The following SLC9A8 variants were observed in gnomAD, a reference collection of about 807,000 sequenced individuals.
The protein encoded by SLC9A8 is sodium/hydrogen exchanger 8.
Under a neutral mutation model 66.6 loss-of-function variants are expected in SLC9A8, and 48 were observed. That is an observed-to-expected ratio of 0.72 (90% CI 0.57 to 0.92). SLC9A8 has a LOEUF of 0.92. SLC9A8 is among the 40% of genes least tolerant of loss of function. The pLI is 0.00. For missense variants in SLC9A8, 599 were observed against 747.3 expected (o/e 0.80, Z 2.31); for synonymous variants, 274 against 282.6 (o/e 0.97, Z 0.31).
chr20:49,879,438 T>G lies in SLC9A8; in HGVS notation c.1158+1375T>G, dbSNP rs116678254. Reference sequence around the variant, plus strand: ...TAAACTGGAGACAACAATACCTACTTTGTAAGACCTTTGCAAGGATTTAAA... The same window carrying G: ...TAAACTGGAGACAACAATACCTACTGTGTAAGACCTTTGCAAGGATTTAAA... On this transcript the variant is annotated intron_variant, in intron 12 of 15. Coordinates refer to ENST00000361573, the MANE Select transcript of SLC9A8 (RefSeq NM_015266.3). Among the ~76,000 whole-genome samples, 546 of 152,352 alleles carry G rather than the reference T, an allele frequency of 3.6e-3. 3 individuals are homozygous for G. Among genetic ancestry groups the G allele is most frequent in the African/African-American group, 0.013 (530 of 41,576 alleles).
intron 8 of SLC9A8, among the ~76,000 whole-genome samples, chr20:49,861,850 T>C (rs1359716216): frequency 4.6e-5 from 7 of 152,226 alleles, no homozygotes; most frequent in Admixed American, 4.6e-4. Context: ...TCCTCCTTAA[T>C]GTCTCCTAAA....
chr20:49,826,918 G>A (rs1479779622), intron 3 of SLC9A8, among the ~76,000 whole-genome samples: 2 of 151,508 alleles, frequency 1.3e-5, no homozygotes, highest in Non-Finnish European at 1.5e-5. Context: ...TTCTTTCCAT[G>A]TATTAGTTGA....
intron 7 of SLC9A8, among the ~76,000 whole-genome samples, chr20:49,853,729 C>T (rs936896699): frequency 1.3e-5 from 2 of 152,196 alleles, no homozygotes; most frequent in Admixed American, 1.3e-4. Flanking sequence ...TCACCCATGA[C>T]GAAAATTCAG....
intron 6 of SLC9A8, 47 bp from the exon 7 acceptor site, chr20:49,850,763 G>GTTT (rs564652819): frequency 1.5e-6 from 2 of 1,371,504 alleles, no homozygotes; most frequent in Non-Finnish European, 9.9e-7. Flanking sequence ...GTTCTCCAGG[G>GTTT]TTTTTTTTTT....
chr20:49,857,466 C>T (rs1255181764), intron 8 of SLC9A8, among the ~76,000 whole-genome samples: 3 of 152,150 alleles, frequency 2.0e-5, no homozygotes, highest in Non-Finnish European at 4.4e-5. Flanking sequence ...GCCTGTAATC[C>T]CATCACTTTG....
chr20:49,862,160 C>T (rs890953566), intron 8 of SLC9A8, among the ~76,000 whole-genome samples: 2 of 151,632 alleles, frequency 1.3e-5, no homozygotes, highest in East Asian at 3.9e-4. Context: ...TGCATGGGCT[C>T]TCTTCCTTTG....
rs1402906096 is a variant in SLC9A8, at chr20:49,889,201, G to C, written c.*1265G>C. ...GCCTCAAACTGCTCAGCTCATCAAA[G>C]AGCCATTGCCAACTTCCGTATGTGG... On this transcript the variant is annotated 3_prime_UTR_variant, in exon 16 of 16. Coordinates refer to ENST00000361573, the MANE Select transcript of SLC9A8 (RefSeq NM_015266.3). 6.6e-6 allele frequency: 1 copy of C among 152,288 alleles called. No individual in the cohort carries two copies. The highest frequency in any genetic ancestry group is 1.5e-5 in the Non-Finnish European group (1 of 68,056). The allele number at this position is 152,288 out of a possible 1,614,324, so 9.4% of individuals were successfully genotyped here. A position where few individuals can be genotyped will look rare whatever the true frequency, so the allele number is the denominator to read the frequency against.
At chr20:49,839,869 T>C (rs895101090) in intron 4 of SLC9A8, among the ~76,000 whole-genome samples, 1 of 152,194 alleles carries the variant, frequency 6.6e-6, no homozygotes, top group Non-Finnish European at 1.5e-5. Flanking sequence ...ACTAACCTAC[T>C]TTTTTAGGCA....
chr20:49,818,109 C>T (rs886491361), intron 2 of SLC9A8, among the ~76,000 whole-genome samples: 1 of 151,830 alleles, frequency 6.6e-6, no homozygotes, highest in Non-Finnish European at 1.5e-5. Flanking sequence ...ACTTCCAGGG[C>T]GTGGAGCATT....
At chr20:49,834,386 GTGTATATATATATAC>G (rs2087406718) in intron 3 of SLC9A8, among the ~76,000 whole-genome samples, 1 of 37,224 alleles carries the variant, frequency 2.7e-5, no homozygotes, top group African/African-American at 1.9e-4. Context: ...TATATATACT[GTGTATATATATATAC>G]TGTGTATATA....
intron 4 of SLC9A8, among the ~76,000 whole-genome samples, chr20:49,841,908 A>T (rs986346252): frequency 6.6e-6 from 1 of 151,766 alleles, no homozygotes; most frequent in Non-Finnish European, 1.5e-5. Context: ...GCTAATTTTT[A>T]AAAAAATTTT....
intron 3 of SLC9A8, 52 bp from the exon 4 acceptor site, chr20:49,839,489 T>A: frequency 8.0e-7 from 1 of 1,252,620 alleles, no homozygotes; most frequent in South Asian, 1.3e-5. Context: ...TAAATTTGAG[T>A]AATCTTTCTC....
chr20:49,837,819 T>G (rs1043058392), intron 3 of SLC9A8, among the ~76,000 whole-genome samples: 3 of 152,180 alleles, frequency 2.0e-5, no homozygotes, highest in African/African-American at 7.2e-5. Flanking sequence ...TCTGCCCGCT[T>G]CAGCCTCCTA....
At chr20:49,837,817 C>T (rs2087599581) in intron 3 of SLC9A8, among the ~76,000 whole-genome samples, 1 of 152,186 alleles carries the variant, frequency 6.6e-6, no homozygotes, top group African/African-American at 2.4e-5. Context: ...CATCTGCCCG[C>T]TTCAGCCTCC....
intron 7 of SLC9A8, 116 bp downstream of exon 7, chr20:49,850,960 G>T: frequency 3.0e-6 from 2 of 658,256 alleles, no homozygotes. Flanking sequence ...ATTTATTTTT[G>T]GTAAGGATTT....
In SLC9A8 at chr20:49,874,931, T is replaced by C; in HGVS notation, c.1075+110T>C. 7 of 769,260 alleles carry C rather than the reference T, an allele frequency of 9.1e-6. 1 individual carries two copies. The South Asian group carries it at 1.0e-4, about 11-fold the overall frequency. 47.7% of individuals were successfully genotyped at this position (769,260 alleles called of 1,614,324 possible). On this transcript the variant is annotated intron_variant, in intron 11 of 15. Transcript: ENST00000361573. ...CTTTCCCTGGCAGCAGGGCAGCAGC[T>C]CCTCAGAGCCAGATCCCTCACTCCC... is the stretch of plus-strand genomic sequence containing the variant.
rs2089952148 is a variant in SLC9A8 at position 49,887,989 on chromosome 20, CACAG to C, written c.*57_*60del. ...AGGCCCAGGATGGGCGTTTGCTGCG[CACAG>C]ACACTCAGCAGGGGCCTCGCAGAGA... is the stretch of plus-strand genomic sequence containing the variant. On this transcript the variant is annotated 3_prime_UTR_variant, in exon 16 of 16. Transcript: ENST00000361573. 1 of 1,379,306 alleles carries C rather than the reference CACAG, an allele frequency of 7.3e-7. No individual in the cohort carries two copies. The highest frequency in any genetic ancestry group is 1.0e-6 in the Non-Finnish European group (1 of 968,460). The allele number at this position is 1,379,306 out of a possible 1,614,324, so 85.4% of individuals were successfully genotyped here. A position where few individuals can be genotyped will look rare whatever the true frequency, so the allele number is the denominator to read the frequency against.
chr20:49,857,610 C>T (rs773623751), intron 8 of SLC9A8, among the ~76,000 whole-genome samples: 5 of 152,074 alleles, frequency 3.3e-5, no homozygotes, highest in African/African-American at 9.7e-5. Context: ...CCCAGCTACT[C>T]GAGAGGCTGA....
In SLC9A8 at chr20:49,847,677, T is replaced by C. The variant is rs2088056429; in HGVS notation, c.433-1902T>C. On this transcript the variant is annotated intron_variant, in intron 5 of 15. Transcript: ENST00000361573. Reference sequence around the variant, plus strand: ...ACAGTAAGATTATCATCAGTTGATATGCATTAGCTAGGCAGCAACTGGTTC... The same window carrying C: ...ACAGTAAGATTATCATCAGTTGATACGCATTAGCTAGGCAGCAACTGGTTC... Among the ~76,000 whole-genome samples the C allele has an allele frequency of 3.9e-5, 6 of 152,144 alleles. No individual in the cohort carries two copies. In the South Asian group the frequency reaches 1.2e-3, roughly 31 times the overall value.
Sources: gnomAD v4.1 joint callset for allele counts (sites outside exome capture counted in the v4.1 genomes callset) on GRCh38, gnomAD v4.1.1 for gene constraint, MANE v1.5 for transcripts, NCBI Gene and HGNC (gene_info 2026-07-23, HGNC 2026-07-21) for gene names.